TMEM98: variants seen among roughly 807,000 people sequenced by gnomAD.
TMEM98 encodes the protein transmembrane protein 98.
In TMEM98, 18 loss-of-function variants were observed where a neutral mutation model predicts 25.0. The ratio of observed to expected loss-of-function variants is 0.72; its 90% confidence interval spans 0.50 to 1.07. The LOEUF (loss-of-function observed/expected upper bound fraction) is 1.07, where lower values mean the gene tolerates loss of function less well. TMEM98 is among the 50% of genes least tolerant of loss of function. The pLI is 0.00. For missense variants in TMEM98, 241 were observed against 289.0 expected (o/e 0.83, Z 1.20); for synonymous variants, 103 against 112.4 (o/e 0.92, Z 0.53).
chr17:32,930,402 T>C (rs1459842660), intron 1 of TMEM98, among the ~76,000 whole-genome samples: 2 of 152,234 alleles, frequency 1.3e-5, no homozygotes, highest in African/African-American at 4.8e-5. Flanking sequence ...CACTAGTATA[T>C]ACAAATGCAC....
chr17:32,941,988 G>C lies in TMEM98; in HGVS notation c.*995G>C, dbSNP rs193152316. 5 of 152,322 alleles carry C rather than the reference G, an allele frequency of 3.3e-5. No individual in the cohort carries two copies. The highest frequency in any genetic ancestry group is 1.2e-4 in the African/African-American group (5 of 41,550). 9.4% of individuals were successfully genotyped at this position (152,322 alleles called of 1,614,324 possible). The stretch of plus-strand genomic sequence containing the variant: ...GCCCAGGAGGTGAAGGTTGCAGTGA[G>C]CCCTGATTGTGCCACTGCATTCCAG... On this transcript the variant is annotated 3_prime_UTR_variant, in exon 8 of 8. Coordinates refer to ENST00000579849, the MANE Select transcript of TMEM98 (RefSeq NM_015544.3).
At chr17:32,940,555 T>A (rs1477769800) in intron 7 of TMEM98, among the ~76,000 whole-genome samples, 1 of 152,198 alleles carries the variant, frequency 6.6e-6, no homozygotes, top group African/African-American at 2.4e-5. Context: ...CTTGGAGCTT[T>A]ACCAGGTACA....
At position 32,940,922 on chromosome 17, in the gene TMEM98, G is replaced by A. The variant is rs142738715; in HGVS notation, c.610G>A (p.Ala204Thr). 90 of 1,614,164 alleles carry A rather than the reference G, an allele frequency of 5.6e-5. No homozygotes were observed. Among genetic ancestry groups the A allele is most frequent in the Non-Finnish European group, 7.1e-5 (84 of 1,180,038 alleles). ...GCATTTGGAAGTCCTTCGAGAAGCA[G>A]CCCTAGCTTCTGAGCCAGATAAAGG... ...EEHLEVLREA[A>T]LASEPDKGLP... Residue 204 changes from alanine (A) to threonine (T), a missense_variant, in exon 8 of 8, where the codon GCC (alanine) becomes ACC (threonine). By Grantham distance (58) the Ala-to-Thr change is moderately conservative. Coordinates refer to ENST00000579849, the MANE Select transcript of TMEM98 (RefSeq NM_015544.3).
chr17:32,944,308 T>C lies in TMEM98; in HGVS notation c.*3315T>C, dbSNP rs1041870526. ...CTCCTCCCTGTCTCCAATAAATGCA[T>C]ACCAAGAGCTTTCTGTGGAAGAGGG... On this transcript the variant is annotated 3_prime_UTR_variant, in exon 8 of 8. Transcript: ENST00000579849. 1.3e-5 allele frequency: 2 copies of C among 152,366 alleles called. No homozygotes were observed. The highest frequency in any genetic ancestry group is 4.8e-5 in the African/African-American group (2 of 41,588). 9.4% of individuals were successfully genotyped at this position (152,366 alleles called of 1,614,324 possible). A position where few individuals can be genotyped will look rare whatever the true frequency, so the allele number is the denominator to read the frequency against.
chr17:32,933,603 C>T (rs1160625655), intron 4 of TMEM98, among the ~76,000 whole-genome samples: 1 of 152,196 alleles, frequency 6.6e-6, no homozygotes, highest in African/African-American at 2.4e-5. Context: ...TTGGCTCAGG[C>T]TTCAGAGATG....
rs367573740 is a variant in TMEM98, at chr17:32,941,386, C to A, written c.*393C>A. The A allele has an allele frequency of 1.1e-4, 18 of 161,480 alleles. No homozygotes were observed. The East Asian group carries it at 2.5e-3, about 23-fold the overall frequency. The allele number at this position is 161,480 out of a possible 1,614,324, so 10.0% of individuals were successfully genotyped here. On this transcript the variant is annotated 3_prime_UTR_variant, in exon 8 of 8. Coordinates refer to ENST00000579849, the MANE Select transcript of TMEM98 (RefSeq NM_015544.3). ...GGTCAGAATGTGTGGCAATTCTGAT[C>A]TGCATTTTCAGAAGAGGACAATCAA...
Position 32,933,291 on chromosome 17 carries a change from G to A in TMEM98, c.249G>A (p.Trp83Ter). 1 of 1,614,140 alleles carries A rather than the reference G, an allele frequency of 6.2e-7. No homozygotes were observed. The highest frequency in any genetic ancestry group is 1.6e-4 in the Middle Eastern group (1 of 6,062). The change falls in exon 4 of 8, where the codon TGG (tryptophan) becomes TGA (stop). Residue 83 changes from tryptophan (W) to a stop codon, truncating the protein, a stop_gained. Transcript: ENST00000579849. LOFTEE classifies it high-confidence loss of function. ...HIEAILENEDWIEDASGLMSH... is the reference protein window; with the variant it reads ...HIEAILENED ...AGGCCATTCTGGAGAATGAAGACTG[G>A]ATCGAAGATGCCTCGTAAGGCCATG...
At chr17:32,935,753 G>A (rs2091492804) in intron 5 of TMEM98, among the ~76,000 whole-genome samples, 1 of 152,294 alleles carries the variant, frequency 6.6e-6, no homozygotes, top group South Asian at 2.1e-4. Flanking sequence ...CTCTGGGGTG[G>A]CCAGCTCTGT....
chr17:32,943,249 C>T lies in TMEM98; in HGVS notation c.*2256C>T, dbSNP rs2091539631. 1 of 152,274 alleles carries T rather than the reference C, an allele frequency of 6.6e-6. No homozygotes were observed. The highest frequency in any genetic ancestry group is 2.4e-5 in the African/African-American group (1 of 41,396). The allele number at this position is 152,274 out of a possible 1,614,324, so 9.4% of individuals were successfully genotyped here. On this transcript the variant is annotated 3_prime_UTR_variant, in exon 8 of 8. Coordinates refer to ENST00000579849, the MANE Select transcript of TMEM98 (RefSeq NM_015544.3). ...TTTCTAGTGCTGGACAAGTAAGAAG[C>T]CTCTGGATAAATTTGGTGTTGGTGG...
At position 32,931,665 on chromosome 17, in the gene TMEM98, T is replaced by A. The variant is rs758062509; in HGVS notation, c.131+6T>A. On this transcript the variant is annotated splice_donor_region_variant and intron_variant, in intron 3 of 7. Transcript: ENST00000579849. ...CTGCAGCGCTATGATTCTAAGTGAG[T>A]GAGCCTATGGAGGGCAAGGAGGAGG... is the stretch of plus-strand genomic sequence containing the variant. 10 of 1,604,734 alleles carry A rather than the reference T, an allele frequency of 6.2e-6. No individual in the cohort carries two copies. In the Admixed American group the frequency reaches 1.4e-4, roughly 22 times the overall value.
intron 1 of TMEM98, among the ~76,000 whole-genome samples, chr17:32,929,338 C>G (rs2091453352): frequency 6.6e-6 from 1 of 152,010 alleles, no homozygotes; most frequent in African/African-American, 2.4e-5. Flanking sequence ...GAAACACGAT[C>G]AGAGAAACAC....
chr17:32,936,246 C>T (rs762770047), intron 5 of TMEM98, 86 bp from the exon 6 acceptor site: 8 of 1,070,660 alleles, frequency 7.5e-6, no homozygotes, highest in Non-Finnish European at 9.8e-6. Context: ...ATGGAACTCA[C>T]GGCAGGGCTG....
intron 3 of TMEM98, 90 bp downstream of exon 3, chr17:32,931,749 A>T: frequency 6.7e-7 from 1 of 1,487,454 alleles, no homozygotes; most frequent in Admixed American, 2.2e-5. Context: ...GGCAACTCTA[A>T]CTCAGCTTTT....
intron 3 of TMEM98, among the ~76,000 whole-genome samples, chr17:32,932,064 C>T (rs2091472525): frequency 6.7e-6 from 1 of 150,368 alleles, no homozygotes. Context: ...GAAATCCCAA[C>T]TTAGGACTGT....
rs891647791 is a variant in TMEM98, at chr17:32,941,039, C to G, written c.*46C>G. ...GCCATGAAGGCCCCTGCCGCCATCC[C>G]TGGATGGCTCAGCTTAGCCTTCTAC... On this transcript the variant is annotated 3_prime_UTR_variant, in exon 8 of 8. Transcript: ENST00000579849. 2 of 1,495,760 alleles carry G rather than the reference C, an allele frequency of 1.3e-6. No individual in the cohort carries two copies. Among genetic ancestry groups the G allele is most frequent in the Non-Finnish European group, 1.8e-6 (2 of 1,101,340 alleles). The allele number at this position is 1,495,760 out of a possible 1,614,324, so 92.7% of individuals were successfully genotyped here.
chr17:32,931,964 G>A (rs2091472129), intron 3 of TMEM98, among the ~76,000 whole-genome samples: 1 of 152,122 alleles, frequency 6.6e-6, no homozygotes, highest in African/African-American at 2.4e-5. Context: ...ATTTGGATAA[G>A]CCAAATCACT....
chr17:32,937,448 G>A (rs1286867898), intron 6 of TMEM98, among the ~76,000 whole-genome samples: 2 of 152,164 alleles, frequency 1.3e-5, no homozygotes, highest in African/African-American at 4.8e-5. Flanking sequence ...AGATAATCCA[G>A]GGAGGGACTC....
chr17:32,930,190 A>G (rs1294861484), intron 1 of TMEM98, among the ~76,000 whole-genome samples: 3 of 152,116 alleles, frequency 2.0e-5, no homozygotes, highest in Non-Finnish European at 4.4e-5. Context: ...TTGCACAAAG[A>G]GAGACAAGCA....
At chr17:32,933,104 G>T in intron 3 of TMEM98, 70 bp from the exon 4 acceptor site, 1 of 1,588,726 alleles carries the variant, frequency 6.3e-7, no homozygotes, top group Non-Finnish European at 8.6e-7. Context: ...GTGTATGTGG[G>T]CCTCAGTGAG....
Sources: allele counts gnomAD v4.1 joint callset (sites outside exome capture counted in the v4.1 genomes callset), GRCh38; gene constraint gnomAD v4.1.1; transcripts MANE v1.5; gene names NCBI Gene and HGNC (gene_info 2026-07-23, HGNC 2026-07-21).